TNRC6C: variants seen among roughly 807,000 people sequenced by gnomAD.
TNRC6C encodes trinucleotide repeat-containing gene 6C protein.
In TNRC6C, 20 loss-of-function variants were observed where a neutral mutation model predicts 153.7. The observed-to-expected ratio is 0.13, with a 90% CI of 0.09 to 0.19. TNRC6C has a LOEUF of 0.19. TNRC6C is among the 10% of genes least tolerant of loss of function. The pLI, the probability that TNRC6C is intolerant of heterozygous loss-of-function variation, is 1.00. For synonymous variants in TNRC6C, 811 were observed against 841.4 expected (o/e 0.96, Z 0.63); for missense variants, 1,987 against 2,172.0 (o/e 0.91, Z 1.69).
chr17:78,069,100 A>G (rs1051392533), intron 5 of TNRC6C, among the ~76,000 whole-genome samples: 3 of 152,216 alleles, frequency 2.0e-5, no homozygotes, highest in African/African-American at 7.2e-5. Context: ...CATGACAGAA[A>G]ATACCATAAT....
chr17:78,000,628 C>CACACA (rs1259598126), upstream of TNRC6C, among the ~76,000 whole-genome samples: 621 of 70,214 alleles, frequency 8.8e-3, 35 homozygotes, highest in Middle Eastern at 0.023. Flanking sequence ...GCCCCCCCCC[C>CACACA]CCCACACACA....
intron 1 of TNRC6C, among the ~76,000 whole-genome samples, chr17:77,988,763 G>C (rs1045535998): frequency 5.9e-5 from 9 of 152,290 alleles, no homozygotes; most frequent in Non-Finnish European, 8.8e-5. Context: ...TAGAAATGAA[G>C]AACAGTTAGT....
chr17:78,096,687 T>C (rs1020436805), intron 16 of TNRC6C, among the ~76,000 whole-genome samples: 3 of 152,246 alleles, frequency 2.0e-5, no homozygotes, highest in Admixed American at 1.3e-4. Flanking sequence ...ACTGTGCTCA[T>C]GTTCCCTCTG....
At chr17:78,028,733 C>T (rs577348454) in intron 1 of TNRC6C, among the ~76,000 whole-genome samples, 15 of 152,282 alleles carry the variant, frequency 9.9e-5, no homozygotes, top group African/African-American at 3.6e-4. Context: ...AATGTTTCTT[C>T]TACATAAAAG....
At position 78,104,976 on chromosome 17, in the gene TNRC6C, C is replaced by T. The variant is rs1464050675; in HGVS notation, c.*131C>T. On this transcript the variant is annotated 3_prime_UTR_variant, in exon 20 of 20. Coordinates refer to ENST00000301624, the Ensembl canonical transcript of TNRC6C. This position sits in a 1 kb window ranked among gnomAD's most constrained non-coding sequence, Gnocchi z 6.2. ...ACCTCTGTCCAGGACTGAAGACGAA[C>T]CTTGGCCGCAGTCCTTGCGAACTGT... is the stretch of plus-strand genomic sequence containing the variant. The T allele has an allele frequency of 3.2e-6, 4 of 1,231,596 alleles. No individual in the cohort carries two copies. The highest frequency in any genetic ancestry group is 4.2e-6 in the Non-Finnish European group (4 of 960,914). 76.3% of individuals were successfully genotyped at this position (1,231,596 alleles called of 1,614,324 possible).
intron 5 of TNRC6C, 73 bp from the exon 8 acceptor site, chr17:78,071,012 T>C: frequency 7.1e-7 from 1 of 1,401,414 alleles, no homozygotes; most frequent in Non-Finnish European, 9.9e-7. Flanking sequence ...GAATTTAGGC[T>C]GTCTCCCATT....
At chr17:78,061,269 C>T (rs1179445366) in intron 3 of TNRC6C, among the ~76,000 whole-genome samples, 2 of 152,220 alleles carry the variant, frequency 1.3e-5, no homozygotes, top group Middle Eastern at 3.4e-3. Context: ...TTAAAAGAAT[C>T]CCTATAAATT....
chr17:78,019,610 C>G (rs1222766825), intron 1 of TNRC6C, among the ~76,000 whole-genome samples: 1 of 152,152 alleles, frequency 6.6e-6, no homozygotes, highest in African/African-American at 2.4e-5. Flanking sequence ...GCTTACTAGG[C>G]AAAGAGTAAC....
At chr17:78,048,484 T>G (rs1347879443) in intron 2 of TNRC6C, among the ~76,000 whole-genome samples, 1 of 152,200 alleles carries the variant, frequency 6.6e-6, no homozygotes, top group Non-Finnish European at 1.5e-5. Context: ...TTACTGTCAT[T>G]GCCAGTGTTT....
intron 1 of TNRC6C, among the ~76,000 whole-genome samples, chr17:77,980,771 A>G (rs542824495): frequency 7.7e-4 from 118 of 152,290 alleles, no homozygotes; most frequent in Non-Finnish European, 1.4e-3. Context: ...AGTGGCTCAC[A>G]GAACTCAGGG....
intron 1 of TNRC6C, among the ~76,000 whole-genome samples, chr17:78,007,696 TGA>T (rs1030599222): frequency 2.0e-5 from 3 of 152,236 alleles, no homozygotes; most frequent in African/African-American, 7.2e-5. Flanking sequence ...TTTAGCAATT[TGA>T]GAGAGTCCGA....
chr17:78,008,015 A>T (rs1249987943), intron 1 of TNRC6C, among the ~76,000 whole-genome samples: 1 of 152,206 alleles, frequency 6.6e-6, no homozygotes, highest in Non-Finnish European at 1.5e-5. Flanking sequence ...ATGCTCATCT[A>T]TGATACTCCT....
At chr17:78,016,433 C>G (rs1229036986) in intron 1 of TNRC6C, among the ~76,000 whole-genome samples, 3 of 152,198 alleles carry the variant, frequency 2.0e-5, no homozygotes, top group Admixed American at 1.3e-4. Flanking sequence ...CAGTCCTGCA[C>G]CAGGTGTGCC....
At chr17:78,010,414 T>C (rs191144055) in intron 1 of TNRC6C, among the ~76,000 whole-genome samples, 17 of 152,306 alleles carry the variant, frequency 1.1e-4, no homozygotes, top group Admixed American at 3.9e-4. Context: ...TCTAAACATA[T>C]AAAGTTTAAT....
At chr17:78,091,250 TGGGAGGCGGA>T in intron 13 of TNRC6C, 180 bp from the exon 16 acceptor site, 1 of 480,176 alleles carries the variant, frequency 2.1e-6, no homozygotes, top group Non-Finnish European at 3.3e-6. Context: ...CGCTTGAACC[TGGGAGGCGGA>T]GGTTGCAATG....
intron 1 of TNRC6C, among the ~76,000 whole-genome samples, chr17:77,982,198 T>C (rs549154509): frequency 2.0e-5 from 3 of 152,120 alleles, no homozygotes; most frequent in Non-Finnish European, 4.4e-5. Flanking sequence ...TCTAGAACTA[T>C]GAGAAATGTT....
At chr17:78,048,988 A>G (rs1044566521) in exon 3 of TNRC6C, 19 of 1,410,366 alleles carry the variant, frequency 1.3e-5, no homozygotes, top group African/African-American at 2.9e-5. Context: ...CATCACAGGA[A>G]CAGAGACTGA....
chr17:78,067,620 C>A, intron 4 of TNRC6C, 137 bp from the exon 7 acceptor site: 1 of 870,362 alleles, frequency 1.1e-6, no homozygotes, highest in Non-Finnish European at 1.7e-6. Context: ...ATTCTGAGAT[C>A]TGGGAGAAAT....
intron 1 of TNRC6C, among the ~76,000 whole-genome samples, chr17:78,017,027 G>A (rs1006821715): frequency 6.6e-5 from 10 of 152,276 alleles, no homozygotes; most frequent in Non-Finnish European, 7.4e-5. Context: ...TCCCTCTCAG[G>A]AGAAGTGTAT....
Sources: allele counts gnomAD v4.1 joint callset (sites outside exome capture counted in the v4.1 genomes callset), GRCh38; gene constraint gnomAD v4.1.1; non-coding constraint Gnocchi (gnomAD v3.1); transcripts MANE v1.5; gene names NCBI Gene and HGNC (gene_info 2026-07-23, HGNC 2026-07-21).